The following TNRC6B variants were observed in gnomAD, a reference collection of about 807,000 sequenced individuals.
TNRC6B encodes trinucleotide repeat containing adaptor 6B.
In TNRC6B, 52 loss-of-function variants were observed where a neutral mutation model predicts 203.6. The ratio of observed to expected loss-of-function variants is 0.26; its 90% CI spans 0.20 to 0.32. The LOEUF (loss-of-function observed/expected upper bound fraction) is 0.32. TNRC6B is among the 10% of genes least tolerant of loss of function. The pLI, the probability that TNRC6B is intolerant of heterozygous loss-of-function variation, is 1.00. For missense variants in TNRC6B, 1,923 were observed against 2,286.2 expected, an observed-to-expected ratio of 0.84 and a Z score of 3.24; for synonymous variants, 838 against 845.7, an observed-to-expected ratio of 0.99 and a Z score of 0.16.
chr22:40,123,747 C>T (rs1208932941), intron 2 of TNRC6B, among the ~76,000 whole-genome samples: 1 of 152,094 alleles, frequency 6.6e-6, no homozygotes. Flanking sequence ...TTCAGCTATG[C>T]CTATAATGAA....
intron 3 of TNRC6B, among the ~76,000 whole-genome samples, chr22:40,139,583 T>C (rs1474207381): frequency 6.6e-6 from 1 of 152,166 alleles, no homozygotes; most frequent in Admixed American, 6.5e-5. Context: ...CCTCCTGCCT[T>C]GGCCTCCCAA....
Position 40,324,688 on chromosome 22 carries a change from G to A in TNRC6B, c.*1447G>A, listed in dbSNP as rs1430467934. 3 of 152,640 alleles carry A rather than the reference G, an allele frequency of 2.0e-5. No individual in the cohort carries two copies. Among genetic ancestry groups the A allele is most frequent in the Non-Finnish European group, 4.4e-5 (3 of 68,056 alleles). 9.5% of individuals were successfully genotyped at this position (152,640 alleles called of 1,614,324 possible). A position where few individuals can be genotyped will look rare whatever the true frequency, so the allele number is the denominator to read the frequency against. On this transcript the variant is annotated 3_prime_UTR_variant, in exon 23 of 23. Coordinates refer to ENST00000454349, the MANE Select transcript of TNRC6B (RefSeq NM_001162501.2). ...TTACTTAACGAATGTTCTTAAACCAGTGTGTACTTCAAGCGTTTCCTTTTG... is the reference window on the plus strand; with the variant it reads ...TTACTTAACGAATGTTCTTAAACCAATGTGTACTTCAAGCGTTTCCTTTTG...
At chr22:40,239,126 C>G (rs901168211) in intron 1 of TNRC6B, among the ~76,000 whole-genome samples, 2 of 152,072 alleles carry the variant, frequency 1.3e-5, no homozygotes, top group African/African-American at 4.8e-5. Flanking sequence ...TCACTTGAAC[C>G]TGGGAGGCGG....
intron 1 of TNRC6B, among the ~76,000 whole-genome samples, chr22:40,052,714 G>T (rs780500213): frequency 3.9e-5 from 6 of 152,196 alleles, no homozygotes; most frequent in Middle Eastern, 3.4e-3. Flanking sequence ...CTCCCAAAGT[G>T]CTGGGATTAC....
intron 1 of TNRC6B, among the ~76,000 whole-genome samples, chr22:40,081,194 G>A (rs992386873): frequency 7.3e-5 from 11 of 151,592 alleles, no homozygotes; most frequent in African/African-American, 2.7e-4. Context: ...TTCATCTTTT[G>A]TCTCATAGCC....
At chr22:40,128,384 G>C (rs2068512392) in intron 3 of TNRC6B, among the ~76,000 whole-genome samples, 1 of 152,168 alleles carries the variant, frequency 6.6e-6, no homozygotes, top group African/African-American at 2.4e-5. Context: ...GTGGATGTCT[G>C]TTAACAGAAG....
At chr22:40,238,243 G>A (rs552197418) in intron 1 of TNRC6B, among the ~76,000 whole-genome samples, 2 of 152,184 alleles carry the variant, frequency 1.3e-5, no homozygotes, top group African/African-American at 2.4e-5. Context: ...TCGACTCGCC[G>A]TTCTCTAGTG....
chr22:40,226,827 G>A (rs980497325), intron 1 of TNRC6B, among the ~76,000 whole-genome samples: 1 of 152,154 alleles, frequency 6.6e-6, no homozygotes, highest in African/African-American at 2.4e-5. Flanking sequence ...AGAGAGGAGG[G>A]CCCAGAGCCT....
At chr22:40,311,224 C>G (rs941448128) in intron 17 of TNRC6B, among the ~76,000 whole-genome samples, 2 of 152,068 alleles carry the variant, frequency 1.3e-5, no homozygotes, top group African/African-American at 4.8e-5. Context: ...TGCATTCGTC[C>G]CATGCATAGG....
intron 1 of TNRC6B, among the ~76,000 whole-genome samples, chr22:40,057,566 G>A (rs1288728583): frequency 5.9e-5 from 9 of 152,116 alleles, no homozygotes; most frequent in Non-Finnish European, 2.9e-5. Context: ...GATTACAGGC[G>A]TGAGCCACCC....
At chr22:40,103,980 C>T (rs1477638005) in intron 1 of TNRC6B, among the ~76,000 whole-genome samples, 2 of 148,804 alleles carry the variant, frequency 1.3e-5, no homozygotes, top group East Asian at 2.2e-4. Flanking sequence ...AGGCTGGGCC[C>T]GGTGGCTCAT....
rs968747074 is a variant in TNRC6B, at chr22:40,137,289, C to T, written c.45+11427C>T. 2.6e-5 allele frequency among the ~76,000 whole-genome samples: 4 copies of T among 152,310 alleles called. No individual in the cohort carries two copies. The South Asian group carries it at 6.2e-4, about 24-fold the overall frequency. On this transcript the variant is annotated intron_variant, in intron 3 of 23. Transcript: ENST00000301923. ...GCAGATTGGAAAAGCAAACATGCAGCGCAAGTGCTTTCCCCATTTGTTTAC... is the reference window on the plus strand; with the variant it reads ...GCAGATTGGAAAAGCAAACATGCAGTGCAAGTGCTTTCCCCATTTGTTTAC...
Position 40,262,211 on chromosome 22 carries a change from CAGAG to C in TNRC6B, c.457+45_457+48del, listed in dbSNP as rs761445234. Reference sequence around the variant, plus strand: ...GTGAATCGAATGCATGGCAGCTTGACAGAGAGAGAGCACTTTGTTTGCATTGCTT... The same window carrying C: ...GTGAATCGAATGCATGGCAGCTTGACAGAGAGCACTTTGTTTGCATTGCTT... On this transcript the variant is annotated intron_variant, in intron 4 of 22. Coordinates refer to ENST00000454349, the MANE Select transcript of TNRC6B (RefSeq NM_001162501.2). 9.7e-6 allele frequency: 13 copies of C among 1,338,778 alleles called. No homozygotes were observed. In the East Asian group the frequency reaches 3.2e-4, roughly 32 times the overall value. The allele number at this position is 1,338,778 out of a possible 1,614,324, so 82.9% of individuals were successfully genotyped here.
intron 9 of TNRC6B, among the ~76,000 whole-genome samples, chr22:40,278,582 C>T (rs568457028): frequency 2.7e-5 from 4 of 149,828 alleles, no homozygotes; most frequent in East Asian, 2.0e-4. Flanking sequence ...AAACCTGGGA[C>T]GAGGTGGCCA....
In TNRC6B at chr22:40,266,223, G is replaced by A; in HGVS notation, c.1993G>A (p.Gly665Ser). ...TGCCACACAGACCAAGAACTCAGGGGGCTGGGGAGATGCACCCAGCCAAAG... is the reference window on the plus strand; with the variant it reads ...TGCCACACAGACCAAGAACTCAGGGAGCTGGGGAGATGCACCCAGCCAAAG... Reference protein sequence around the residue: ...SAATQTKNSGGWGDAPSQSNQ... With the variant: ...SAATQTKNSGSWGDAPSQSNQ... The change falls in exon 5 of 23, where the codon GGC becomes AGC. Residue 665 changes from glycine to serine, a missense_variant. Gly to Ser is a moderately conservative substitution (Grantham distance 56, BLOSUM62 0). Around this residue, in one of 8 missense-constraint regions of TNRC6B, gnomAD observed 599 missense variants for 656.5 expected, o/e 0.91. Coordinates refer to ENST00000454349, the MANE Select transcript of TNRC6B (RefSeq NM_001162501.2). 1 of 1,607,600 alleles carries A rather than the reference G, an allele frequency of 6.2e-7. No homozygotes were observed. Among genetic ancestry groups the A allele is most frequent in the Non-Finnish European group, 8.5e-7 (1 of 1,176,700 alleles).
chr22:40,095,626 A>G (rs1203944070), intron 1 of TNRC6B, among the ~76,000 whole-genome samples: 2 of 151,262 alleles, frequency 1.3e-5, no homozygotes, highest in Non-Finnish European at 2.9e-5. Context: ...TAACTGACCT[A>G]CATTGTGACT....
chr22:40,142,411 T>G (rs1036382295), intron 3 of TNRC6B, among the ~76,000 whole-genome samples: 1 of 152,120 alleles, frequency 6.6e-6, no homozygotes, highest in Non-Finnish European at 1.5e-5. Context: ...AGGGTAGGGC[T>G]TAGGCATCTT....
In TNRC6B at chr22:40,266,435, A is replaced by G. The variant is rs756143607; in HGVS notation, c.2205A>G (p.Gly735=). The G allele has an allele frequency of 1.2e-5, 19 of 1,613,892 alleles. No homozygotes were observed. The highest frequency in any genetic ancestry group is 1.5e-5 in the Non-Finnish European group (18 of 1,179,872). The change falls in exon 5 of 23, where the codon GGA becomes GGG. Residue 735 remains glycine, a synonymous_variant. Transcript: ENST00000454349. ...GCAAGGATCAGGGGTGGGGAGGTGGACGCCAGCCCAATCAAGGATGGTCTT... is the reference window on the plus strand; with the variant it reads ...GCAAGGATCAGGGGTGGGGAGGTGGGCGCCAGCCCAATCAAGGATGGTCTT... ...NPSKDQGWGG[G]RQPNQGWSSG... is the part of the protein sequence containing the mutation.
chr22:40,267,068 T>A, intron 5 of TNRC6B, 32 bp downstream of exon 5: 1 of 1,500,578 alleles, frequency 6.7e-7, no homozygotes, highest in Non-Finnish European at 8.9e-7. Flanking sequence ...CAGCTTTTGA[T>A]GAAGAAAAGG....
Sources: gnomAD v4.1 joint callset for allele counts (sites outside exome capture counted in the v4.1 genomes callset) on GRCh38, gnomAD v4.1.1 for gene constraint, gnomAD v4.1.1 regional missense constraint, MANE v1.5 for transcripts, NCBI Gene and HGNC (gene_info 2026-07-23, HGNC 2026-07-21) for gene names.